LAMB4: variants seen among roughly 807,000 people sequenced by gnomAD.
LAMB4 encodes laminin subunit beta-4.
LAMB4 carries 196 observed loss-of-function variants against 199.2 expected under a neutral mutation model. The ratio of observed to expected loss-of-function variants is 0.98; its 90% CI spans 0.88 to 1.11. The LOEUF is 1.11. LAMB4 is among the 50% of genes least tolerant of loss of function. The probability of loss-of-function intolerance (pLI) is 0.00; values close to 1 mark genes in which losing one functional copy is unlikely to be tolerated. For missense variants in LAMB4, 2,080 were observed against 2,171.2 expected, an observed-to-expected ratio of 0.96 and a Z score of 0.83; for synonymous variants, 744 against 770.6, an observed-to-expected ratio of 0.97 and a Z score of 0.57.
intron 29 of LAMB4, 29 bp from the exon 30 acceptor site, chr7:108,037,624 T>A: frequency 6.6e-7 from 1 of 1,523,176 alleles, no homozygotes. Flanking sequence ...TTTTAGGTAA[T>A]CATGTCTCCT....
At chr7:108,117,490 G>C (rs890499172) in intron 2 of LAMB4, among the ~76,000 whole-genome samples, 1 of 152,126 alleles carries the variant, frequency 6.6e-6, no homozygotes, top group East Asian at 1.9e-4. Context: ...AAGATCTAAA[G>C]TTAACACACA....
intron 17 of LAMB4, among the ~76,000 whole-genome samples, chr7:108,075,060 G>T (rs1444188434): frequency 6.6e-6 from 1 of 151,990 alleles, no homozygotes; most frequent in East Asian, 1.9e-4. Context: ...TCTTTAATTT[G>T]CTTGGGTTCC....
intron 4 of LAMB4, among the ~76,000 whole-genome samples, chr7:108,111,166 T>C (rs1469812826): frequency 4.6e-5 from 7 of 152,124 alleles, no homozygotes; most frequent in African/African-American, 9.7e-5. Flanking sequence ...GGACATACAT[T>C]TGGGCACATG....
intron 30 of LAMB4, among the ~76,000 whole-genome samples, chr7:108,035,605 A>G (rs1316021047): frequency 3.0e-4 from 1 of 3,340 alleles, no homozygotes; most frequent in Non-Finnish European, 1.6e-3. Context: ...AGAGAGTACC[A>G]AAAAAAAAAA....
intron 14 of LAMB4, among the ~76,000 whole-genome samples, chr7:108,083,623 G>T (rs949497279): frequency 2.6e-5 from 4 of 152,210 alleles, no homozygotes; most frequent in South Asian, 2.1e-4. Context: ...AGATGCAGCT[G>T]AAGCATTAGC....
chr7:108,123,665 G>T, intron 1 of LAMB4, among the ~76,000 whole-genome samples: 1 of 152,160 alleles, frequency 6.6e-6, no homozygotes, highest in Admixed American at 6.5e-5. Flanking sequence ...AGACACTGGG[G>T]ATGGAGGGAG....
chr7:108,031,992 C>T (rs1217475430), intron 31 of LAMB4, among the ~76,000 whole-genome samples: 1 of 152,166 alleles, frequency 6.6e-6, no homozygotes, highest in Non-Finnish European at 1.5e-5. Flanking sequence ...TTTTCTTAAA[C>T]ATAGTAAACA....
intron 29 of LAMB4, among the ~76,000 whole-genome samples, chr7:108,042,937 C>CTCTGTG (rs1554426273): frequency 4.5e-4 from 63 of 140,390 alleles, no homozygotes; most frequent in African/African-American, 1.5e-3. Flanking sequence ...CTCTCAATCT[C>CTCTGTG]TGTGTGTGTG....
intron 14 of LAMB4, among the ~76,000 whole-genome samples, chr7:108,083,898 C>T (rs2037056987): frequency 6.6e-6 from 1 of 152,206 alleles, no homozygotes. Context: ...GCTAATCTTA[C>T]AGCTATGGCT....
Position 108,062,983 on chromosome 7 carries a change from G to A in LAMB4, c.3073C>T (p.His1025Tyr), listed in dbSNP as rs2036217944. 1 of 1,569,164 alleles carries A rather than the reference G, an allele frequency of 6.4e-7. No homozygotes were observed. The highest frequency in any genetic ancestry group is 8.6e-7 in the Non-Finnish European group (1 of 1,161,490). ...TCCATGGGACTCACGCCGGAAGCAT[G>A]GCAGGAGCATCCTGTGATGACAAAA... ...LNQTCRRCSC[H>Y]ASGVSPMECP... Residue 1025 changes from histidine (H) to tyrosine (Y), a missense_variant, in exon 23 of 34, where the codon CAT becomes TAT. Physicochemically the swap from His to Tyr is moderately conservative, Grantham distance 83. Transcript: ENST00000388781.
At chr7:108,093,273 G>T (rs1373002109) in intron 12 of LAMB4, among the ~76,000 whole-genome samples, 1 of 152,010 alleles carries the variant, frequency 6.6e-6, no homozygotes. Flanking sequence ...TACCGTGTTA[G>T]CCAGGCTGGT....
chr7:108,015,637 G>C, the LAMB4 span, among the ~76,000 whole-genome samples: 2 of 150,692 alleles, frequency 1.3e-5, no homozygotes, highest in Non-Finnish European at 3.0e-5. Flanking sequence ...CAAATAAATT[G>C]TTTTGAATAA....
At chr7:108,019,581 C>T (rs2034647797), downstream of LAMB4, among the ~76,000 whole-genome samples, 1 of 152,032 alleles carries the variant, frequency 6.6e-6, no homozygotes, top group African/African-American at 2.4e-5. Flanking sequence ...AGGGTTGTGC[C>T]CTGGAAGTTG....
At chr7:108,110,756 G>C (rs1375113673) in intron 4 of LAMB4, among the ~76,000 whole-genome samples, 2 of 152,188 alleles carry the variant, frequency 1.3e-5, no homozygotes, top group African/African-American at 4.8e-5. Context: ...CATTCATCAG[G>C]AGGACAGGTG....
chr7:108,024,252 A>C (rs1048471060), intron 33 of LAMB4, 74 bp from the exon 34 acceptor site: 1 of 799,948 alleles, frequency 1.3e-6, no homozygotes, highest in African/African-American at 1.8e-5. Flanking sequence ...ATTATACCAA[A>C]CACAGGGATT....
intron 26 of LAMB4, among the ~76,000 whole-genome samples, chr7:108,050,603 C>T (rs1016370980): frequency 5.3e-5 from 8 of 152,140 alleles, no homozygotes; most frequent in Non-Finnish European, 7.3e-5. Flanking sequence ...CAGAGGCCCA[C>T]GGTCCTGATC....
At chr7:108,064,831 A>G (rs917272524) in intron 21 of LAMB4, among the ~76,000 whole-genome samples, 2 of 151,728 alleles carry the variant, frequency 1.3e-5, no homozygotes, top group Non-Finnish European at 2.9e-5. Flanking sequence ...AATCAAATAG[A>G]CTTCATAAGT....
Position 108,111,870 on chromosome 7 carries a change from T to A in LAMB4, c.269A>T (p.Glu90Val), listed in dbSNP as rs1463183895. ...TGGTTCAAAACTTACAATGACATTCTCAATGGTGTGGCTGTTGGGTTGGTC... is the reference window on the plus strand; with the variant it reads ...TGGTTCAAAACTTACAATGACATTCACAATGGTGTGGCTGTTGGGTTGGTC... ...PYDQPNSHTIENVIVSFEPDR... is the reference protein window; with the variant it reads ...PYDQPNSHTIVNVIVSFEPDR... The change falls in exon 4 of 34, where the codon GAG (glutamate) becomes GTG (valine). Residue 90 changes from glutamate (E) to valine (V), a missense_variant. Coordinates refer to ENST00000388781, the MANE Select transcript of LAMB4 (RefSeq NM_007356.3). 6.2e-7 allele frequency: 1 copy of A among 1,612,006 alleles called. No individual in the cohort carries two copies. The highest frequency in any genetic ancestry group is 1.7e-5 in the Admixed American group (1 of 59,758).
At chr7:108,106,604 T>A in intron 6 of LAMB4, 32 bp from the exon 7 acceptor site, 1 of 1,208,424 alleles carries the variant, frequency 8.3e-7, no homozygotes, top group Non-Finnish European at 1.2e-6. Flanking sequence ...ATTTATAGTA[T>A]ATTACCTGAA....
Sources: allele counts gnomAD v4.1 joint callset (sites outside exome capture counted in the v4.1 genomes callset), GRCh38; gene constraint gnomAD v4.1.1; transcripts MANE v1.5; gene names NCBI Gene and HGNC (gene_info 2026-07-23, HGNC 2026-07-21).